The following SLC30A5 variants were observed in gnomAD, a reference collection of about 807,000 sequenced individuals.
SLC30A5 encodes the protein proton-coupled zinc antiporter SLC30A5.
A neutral mutation model predicts 79.6 loss-of-function variants in SLC30A5; 33 were observed. The ratio of observed to expected loss-of-function variants is 0.41; its 90% CI spans 0.31 to 0.55. SLC30A5 has a LOEUF of 0.55. Among genes scored for constraint, SLC30A5 ranks in the 20% least tolerant of loss-of-function variants. SLC30A5 has a pLI of 0.20. For missense variants in SLC30A5, 788 were observed against 928.1 expected, an observed-to-expected ratio of 0.85 and a Z score of 1.96; for synonymous variants, 299 against 319.7, an observed-to-expected ratio of 0.94 and a Z score of 0.69.
intron 6 of SLC30A5, 58 bp downstream of exon 6, chr5:69,113,285 G>A (rs1409276908): frequency 1.6e-6 from 2 of 1,288,336 alleles, no homozygotes; most frequent in Non-Finnish European, 2.2e-6. Context: ...TAGAAGCCTG[G>A]AACAATGGAA....
chr5:69,129,067 G>T (rs528891679), intron 15 of SLC30A5, among the ~76,000 whole-genome samples: 1 of 152,200 alleles, frequency 6.6e-6, no homozygotes, highest in East Asian at 1.9e-4. Context: ...GGGCTCAAGC[G>T]ATCCTCCTGC....
chr5:69,121,836 A>G lies in SLC30A5; in HGVS notation c.1712A>G (p.Asp571Gly), dbSNP rs768475606. ...TCACACCATATGCATGGACACAGTG[A>G]CCATGGGCATGGTCACAGCCACGGA... ...SHSHHMHGHS[D>G]HGHGHSHGSA... The change falls in exon 13 of 16, where the codon GAC (aspartate) becomes GGC (glycine). Residue 571 changes from aspartate (D) to glycine (G), a missense_variant. Physicochemically the swap from Asp to Gly is moderately conservative, Grantham distance 94 (BLOSUM62 -1). Around this residue, in one of 3 missense-constraint regions of SLC30A5, gnomAD observed 626 missense variants for 755.5 expected, o/e 0.83. Coordinates refer to ENST00000396591, the MANE Select transcript of SLC30A5 (RefSeq NM_022902.5). The G allele has an allele frequency of 2.5e-6, 4 of 1,613,598 alleles. No individual in the cohort carries two copies. In the Admixed American group the frequency reaches 6.7e-5, roughly 27 times the overall value.
At chr5:69,121,928 A>G (rs164577) in intron 13 of SLC30A5, 33 bp downstream of exon 13, 654,615 of 1,543,474 alleles carry the variant, frequency 0.42, 140,089 homozygotes, top group East Asian at 0.51. Flanking sequence ...CCTACTTTTC[A>G]ACTGTGTTCT....
chr5:69,113,296 A>G, intron 6 of SLC30A5, 69 bp downstream of exon 6: 1 of 1,181,738 alleles, frequency 8.5e-7, no homozygotes, highest in Non-Finnish European at 1.2e-6. Flanking sequence ...AACAATGGAA[A>G]AAGAAAGGAT....
chr5:69,121,505 AT>A (rs943448441), intron 12 of SLC30A5, among the ~76,000 whole-genome samples, 188 bp from the exon 13 acceptor site: 1 of 152,072 alleles, frequency 6.6e-6, no homozygotes, highest in Non-Finnish European at 1.5e-5. Context: ...GAAAGTTAAA[AT>A]GTTTCTTCTA....
chr5:69,129,649 C>T lies in SLC30A5; in HGVS notation c.*32C>T. 7 of 1,559,420 alleles carry T rather than the reference C, an allele frequency of 4.5e-6. No individual in the cohort carries two copies. The highest frequency in any genetic ancestry group is 6.1e-6 in the Non-Finnish European group (7 of 1,149,900). On this transcript the variant is annotated 3_prime_UTR_variant, in exon 16 of 16. Transcript: ENST00000396591. ...TCAAGAATTACCCCTGGAGAATAAA[C>T]AATGAAGATTAAATGACTCAGTATT...
In SLC30A5 at chr5:69,115,434, TATTAA is replaced by T; in HGVS notation, c.783+31_783+35del. On this transcript the variant is annotated intron_variant, in intron 8 of 15. Transcript: ENST00000396591. ...TAAGATAAGAGCAAGAATTTATTGGTATTAAATTGCTAGTAAAATGAATTGCTATT... is the reference window on the plus strand; with the variant it reads ...TAAGATAAGAGCAAGAATTTATTGGTATTGCTAGTAAAATGAATTGCTATT... 4 of 1,539,286 alleles carry T rather than the reference TATTAA, an allele frequency of 2.6e-6. No homozygotes were observed. The South Asian group carries it at 3.7e-5, about 14-fold the overall frequency.
chr5:69,125,671 T>TA (rs879281800), intron 14 of SLC30A5, among the ~76,000 whole-genome samples: 39 of 148,546 alleles, frequency 2.6e-4, no homozygotes, highest in African/African-American at 8.2e-4. Flanking sequence ...CCGTCTCTAC[T>TA]AAAAAAAAAT....
At chr5:69,128,914 A>G (rs1561301489) in intron 15 of SLC30A5, among the ~76,000 whole-genome samples, 1 of 152,188 alleles carries the variant, frequency 6.6e-6, no homozygotes, top group Non-Finnish European at 1.5e-5. Context: ...CTGACCTAAA[A>G]GAGTCTAATA....
chr5:69,095,992 C>A (rs1227184067), intron 1 of SLC30A5, among the ~76,000 whole-genome samples: 3 of 152,084 alleles, frequency 2.0e-5, no homozygotes, highest in Non-Finnish European at 4.4e-5. Context: ...TGGCTTGAAC[C>A]CAGGAGGCAG....
intron 1 of SLC30A5, among the ~76,000 whole-genome samples, chr5:69,098,999 C>G (rs758115591): frequency 1.3e-5 from 2 of 152,158 alleles, no homozygotes; most frequent in Non-Finnish European, 2.9e-5. Flanking sequence ...GATTTTTGGT[C>G]TGTATAAAGT....
intron 14 of SLC30A5, among the ~76,000 whole-genome samples, chr5:69,124,820 T>G (rs1746631122): frequency 6.6e-6 from 1 of 152,188 alleles, no homozygotes; most frequent in Non-Finnish European, 1.5e-5. Flanking sequence ...TCCACCCACC[T>G]TGGCCTCCCA....
intron 12 of SLC30A5, among the ~76,000 whole-genome samples, chr5:69,119,079 G>A (rs1746467205): frequency 6.6e-6 from 1 of 152,094 alleles, no homozygotes; most frequent in African/African-American, 2.4e-5. Context: ...GGGATTACAG[G>A]CATGAGCCAC....
chr5:69,094,991 C>T (rs949555590), intron 1 of SLC30A5, among the ~76,000 whole-genome samples: 1 of 152,142 alleles, frequency 6.6e-6, no homozygotes, highest in African/African-American at 2.4e-5. Context: ...GGTGCAGCGA[C>T]CACTTTCTAG....
intron 1 of SLC30A5, among the ~76,000 whole-genome samples, chr5:69,094,971 G>C (rs1241602539): frequency 1.3e-5 from 2 of 152,074 alleles, no homozygotes; most frequent in Non-Finnish European, 1.5e-5. Context: ...CGAAAAGTAA[G>C]GGACCAACAG....
chr5:69,116,165 A>G lies in SLC30A5; in HGVS notation c.1023A>G (p.Glu341=). The change falls in exon 9 of 16, where the codon GAA becomes GAG. Residue 341 remains glutamate, a synonymous_variant. Transcript: ENST00000396591. This position sits in a 1 kb window ranked among gnomAD's most constrained non-coding sequence, Gnocchi z 4.0. Reference sequence around the variant, plus strand: ...AAGCAGCACACCAGGAGAGCACTGAACACGTCCTGTCTGGAGGAGTGGTAG... The same window carrying G: ...AAGCAGCACACCAGGAGAGCACTGAGCACGTCCTGTCTGGAGGAGTGGTAG... The part of the protein sequence containing the change: ...MNKAAHQEST[E]HVLSGGVVVS... 1 of 1,614,192 alleles carries G rather than the reference A, an allele frequency of 6.2e-7. No homozygotes were observed. The highest frequency in any genetic ancestry group is 8.5e-7 in the Non-Finnish European group (1 of 1,180,030).
chr5:69,118,692 A>T, intron 12 of SLC30A5, 64 bp downstream of exon 12: 1 of 1,388,240 alleles, frequency 7.2e-7, no homozygotes. Flanking sequence ...TCTATCCTAA[A>T]GTTTAATTGT....
At chr5:69,128,419 TTTTG>T (rs1173719249) in intron 15 of SLC30A5, among the ~76,000 whole-genome samples, 2 of 151,692 alleles carry the variant, frequency 1.3e-5, no homozygotes, top group African/African-American at 4.8e-5. Context: ...GCCCGCCTAT[TTTTG>T]TTTGTTTGTT....
In SLC30A5 at chr5:69,097,109, C is replaced by CTTTT. The variant is rs1228027917; in HGVS notation, c.83+2792_83+2795dup. On this transcript the variant is annotated intron_variant, in intron 1 of 15. Transcript: ENST00000396591. ...TTGTTTCTTCCCTTCCTCTCTTTTT[C>CTTTT]TTTTTTTTTTTTTTTTTTTTTTTTG... Among the ~76,000 whole-genome samples the CTTTT allele has an allele frequency of 3.4e-3, 298 of 87,906 alleles. 7 individuals carry two copies. The highest frequency in any genetic ancestry group is 5.6e-3 in the African/African-American group (116 of 20,870). The allele number at this position is 87,906 out of a possible 152,430, so 57.7% of individuals were successfully genotyped here.
Sources: gnomAD v4.1 joint callset for allele counts (sites outside exome capture counted in the v4.1 genomes callset) on GRCh38, gnomAD v4.1.1 for gene constraint, gnomAD v4.1.1 regional missense constraint, Gnocchi (gnomAD v3.1) non-coding constraint, MANE v1.5 for transcripts, NCBI Gene and HGNC (gene_info 2026-07-23, HGNC 2026-07-21) for gene names.